The following CMC2 variants were observed in gnomAD, a reference collection of about 807,000 sequenced individuals.
CMC2 encodes the protein C-X9-C motif containing 2, also known as COX assembly mitochondrial protein 2 homolog.
A neutral mutation model predicts 7.5 loss-of-function variants in CMC2; 5 were observed. The ratio of observed to expected loss-of-function variants is 0.66; its 90% CI spans 0.35 to 1.40. The LOEUF is 1.40. Among genes scored for constraint, CMC2 ranks in the 40% most tolerant of loss-of-function variants. CMC2 has a pLI of 0.04. For missense variants in CMC2, 115 were observed against 92.3 expected, an observed-to-expected ratio of 1.25 and a Z score of -1.01; for synonymous variants, 37 against 31.4, an observed-to-expected ratio of 1.18 and a Z score of -0.60.
intron 3 of CMC2, 125 bp downstream of exon 3, chr16:80,981,681 C>G: frequency 1.7e-6 from 1 of 597,630 alleles, no homozygotes; most frequent in Non-Finnish European, 2.9e-6. Context: ...GAAGTTCATA[C>G]ATGTAAAGTC....
chr16:80,991,876 T>TTA, intron 2 of CMC2: 1 of 451,722 alleles, frequency 2.2e-6, no homozygotes, highest in Non-Finnish European at 4.4e-6. Context: ...TTTCGGGTCA[T>TTA]CAAAAACAAA....
At chr16:80,987,378 C>G (rs1172560143) in intron 2 of CMC2, among the ~76,000 whole-genome samples, 1 of 152,090 alleles carries the variant, frequency 6.6e-6, no homozygotes, top group Admixed American at 6.5e-5. Context: ...GATGGTTGAA[C>G]AAAAGGTAAT....
At chr16:81,002,298 C>T (rs764558954) in intron 1 of CMC2, among the ~76,000 whole-genome samples, 4 of 152,142 alleles carry the variant, frequency 2.6e-5, no homozygotes, top group East Asian at 1.9e-4. Context: ...TGTTGGTGGG[C>T]GCCTGTAATC....
chr16:80,978,539 A>G (rs1408627046), intron 3 of CMC2: 1 of 385,476 alleles, frequency 2.6e-6, no homozygotes, highest in Admixed American at 3.9e-5. Flanking sequence ...GACAAAAGAG[A>G]ATGCCACAAA....
At chr16:81,004,673 G>C (rs2549871) in intron 1 of CMC2, among the ~76,000 whole-genome samples, 95,918 of 152,102 alleles carry the variant, frequency 0.63, 31,754 homozygotes, top group South Asian at 0.79. Flanking sequence ...TTTTCCTGGG[G>C]AGTAAGCTGG....
At chr16:80,977,726 A>C (rs1050555015) in intron 3 of CMC2, among the ~76,000 whole-genome samples, 1 of 152,210 alleles carries the variant, frequency 6.6e-6, no homozygotes, top group South Asian at 2.1e-4. Context: ...GAAGGATTCT[A>C]ACATATCTTC....
chr16:80,968,069 T>C lies in CMC2; in HGVS notation c.*8024A>G, dbSNP rs376151044. 1.1e-4 allele frequency: 17 copies of C among 152,196 alleles called. No individual in the cohort carries two copies. Among genetic ancestry groups the C allele is most frequent in the African/African-American group, 3.1e-4 (13 of 41,458 alleles). The allele number at this position is 152,196 out of a possible 1,614,324, so 9.4% of individuals were successfully genotyped here. ...TGATGACAAGAGTGGATGAAGGTCA[T>C]TAACCCTAAAGAAGTAGGCATTTTA... On this transcript the variant is annotated 3_prime_UTR_variant, in exon 4 of 4. Transcript: ENST00000219400.
At chr16:80,985,131 G>A (rs1433716204) in intron 2 of CMC2, among the ~76,000 whole-genome samples, 2 of 152,238 alleles carry the variant, frequency 1.3e-5, no homozygotes, top group Non-Finnish European at 2.9e-5. Flanking sequence ...TAGTCAGAGG[G>A]AAAGAGGCAA....
intron 2 of CMC2, among the ~76,000 whole-genome samples, chr16:80,987,100 G>A (rs1399129286): frequency 6.6e-6 from 1 of 152,192 alleles, no homozygotes; most frequent in Non-Finnish European, 1.5e-5. Flanking sequence ...CAGTAGTGCA[G>A]TCATTAGTGA....
rs559477189 is a variant in CMC2 at position 80,975,684 on chromosome 16, T to G, written c.*409A>C. The G allele has an allele frequency of 1.6e-3, 242 of 154,254 alleles. No homozygotes were observed. Among genetic ancestry groups the G allele is most frequent in the African/African-American group, 5.6e-3 (232 of 41,608 alleles). 9.6% of individuals were successfully genotyped at this position (154,254 alleles called of 1,614,324 possible). ...ACAATAAAGTTGCAACATTTTCAAA[T>G]AGTTAACACTGCTGGGATTTCCCCA... On this transcript the variant is annotated 3_prime_UTR_variant, in exon 4 of 4. Transcript: ENST00000219400.
intron 1 of CMC2, among the ~76,000 whole-genome samples, chr16:80,999,145 C>G (rs1044570925): frequency 1.2e-4 from 19 of 152,200 alleles, no homozygotes; most frequent in African/African-American, 4.3e-4. Flanking sequence ...AGAAGTCAAA[C>G]TGTCTCTCTT....
At chr16:81,004,720 T>C (rs867052716) in intron 1 of CMC2, among the ~76,000 whole-genome samples, 9 of 152,192 alleles carry the variant, frequency 5.9e-5, no homozygotes, top group Admixed American at 2.6e-4. Flanking sequence ...AGTGAAGATA[T>C]AAAAATTATA....
chr16:81,006,308 C>G (rs951848148), intron 1 of CMC2, among the ~76,000 whole-genome samples: 3 of 152,198 alleles, frequency 2.0e-5, no homozygotes. Flanking sequence ...GTTTTCTACC[C>G]GCAAATTCTC....
chr16:80,966,621 C>CT lies in CMC2; in HGVS notation c.*9471dup, dbSNP rs1911570665. ...ATATTATTTTTATTATAAAGTTTTA[C>CT]TTTTTTTGCAGTTCTCCTTATCTTC... On this transcript the variant is annotated 3_prime_UTR_variant, in exon 4 of 4. Transcript: ENST00000219400. 6.6e-6 allele frequency: 1 copy of CT among 152,000 alleles called. No homozygotes were observed. The highest frequency in any genetic ancestry group is 2.4e-5 in the African/African-American group (1 of 41,404). The allele number at this position is 152,000 out of a possible 1,614,324, so 9.4% of individuals were successfully genotyped here. A position where few individuals can be genotyped will look rare whatever the true frequency, so the allele number is the denominator to read the frequency against.
intron 1 of CMC2, among the ~76,000 whole-genome samples, chr16:81,005,426 A>T (rs1969207874): frequency 1.2e-5 from 1 of 82,588 alleles, no homozygotes; most frequent in African/African-American, 3.9e-5. Flanking sequence ...TAAAATTTAA[A>T]TATATATATA....
Position 80,984,969 on chromosome 16 carries a change from G to A in CMC2, c.82-3092C>T, listed in dbSNP as rs1967409306. On this transcript the variant is annotated intron_variant, in intron 2 of 3. Coordinates refer to ENST00000219400, the MANE Select transcript of CMC2 (RefSeq NM_020188.5). ...ACATGGACTGAGTCTCTAGTGCCTG[G>A]TGTCAATTTCTTGAGAACCAAACCA... Among the ~76,000 whole-genome samples the A allele has an allele frequency of 3.9e-5, 6 of 152,154 alleles. No individual in the cohort carries two copies. The South Asian group carries it at 1.2e-3, about 32-fold the overall frequency.
chr16:80,993,041 G>T (rs1401913465), intron 2 of CMC2, among the ~76,000 whole-genome samples: 1 of 152,052 alleles, frequency 6.6e-6, no homozygotes, highest in East Asian at 1.9e-4. Context: ...CTTAGTGTTT[G>T]TATCGTTTCA....
intron 2 of CMC2, among the ~76,000 whole-genome samples, chr16:80,986,025 G>A (rs747973519): frequency 6.6e-6 from 1 of 151,744 alleles, no homozygotes; most frequent in African/African-American, 2.4e-5. Context: ...CATTTATAAC[G>A]CATTGTATAG....
chr16:80,999,057 C>G (rs1302878569), intron 1 of CMC2: 3 of 152,164 alleles, frequency 2.0e-5, no homozygotes, highest in African/African-American at 7.2e-5. Context: ...CCCGCTCTCA[C>G]CACTCCTATT....
Sources: allele counts gnomAD v4.1 joint callset (sites outside exome capture counted in the v4.1 genomes callset), GRCh38; gene constraint gnomAD v4.1.1; transcripts MANE v1.5; gene names NCBI Gene and HGNC (gene_info 2026-07-23, HGNC 2026-07-21).